The following SNX7 variants were observed in gnomAD, a reference collection of about 807,000 sequenced individuals.
SNX7 encodes sorting nexin-7.
A neutral mutation model predicts 48.4 loss-of-function variants in SNX7; 35 were observed. The observed-to-expected ratio is 0.72, with a 90% CI of 0.55 to 0.96. SNX7 has a LOEUF of 0.96. SNX7 is among the 40% of genes least tolerant of loss of function. The pLI, the probability that SNX7 is intolerant of heterozygous loss-of-function variation, is 0.00. For missense variants in SNX7, 553 were observed against 548.9 expected (o/e 1.01, Z -0.07); for synonymous variants, 190 against 190.2 (o/e 1.00, Z 0.01).
At chr1:98,691,799 G>A (rs763196327) in intron 4 of SNX7, 100 bp downstream of exon 4, 20 of 999,720 alleles carry the variant, frequency 2.0e-5, no homozygotes, top group South Asian at 2.4e-5. Context: ...ATGCAGTGGT[G>A]TACTTGAATT....
chr1:98,718,895 A>G (rs1357841264), intron 7 of SNX7, among the ~76,000 whole-genome samples: 3 of 152,136 alleles, frequency 2.0e-5, no homozygotes, highest in Non-Finnish European at 4.4e-5. Context: ...CAGCTACATG[A>G]TATCCCATTG....
chr1:98,702,888 A>G (rs1651823045), intron 7 of SNX7, among the ~76,000 whole-genome samples: 1 of 152,118 alleles, frequency 6.6e-6, no homozygotes, highest in South Asian at 2.1e-4. Context: ...GTGCACTTAC[A>G]TCAGGTGAGC....
At chr1:98,701,475 T>C (rs1651744167) in intron 6 of SNX7, among the ~76,000 whole-genome samples, 1 of 152,176 alleles carries the variant, frequency 6.6e-6, no homozygotes, top group Non-Finnish European at 1.5e-5. Context: ...CCAGTGCTTC[T>C]ACTATTTTTT....
Position 98,701,823 on chromosome 1 carries a change from A to G in SNX7, c.1045A>G (p.Met349Val), listed in dbSNP as rs1282282909. The G allele has an allele frequency of 1.9e-6, 3 of 1,608,260 alleles. No individual in the cohort carries two copies. The highest frequency in any genetic ancestry group is 2.5e-6 in the Non-Finnish European group (3 of 1,176,958). ...TGTGTGTTTTAATGTAAAGGGTGTT[A>G]TGAAAAGAAGAGACCAAATACAAGC... ...VLYSEMLMGV[M>V]KRRDQIQAEL... Residue 349 changes from methionine to valine, a missense_variant, in exon 7 of 9, where the codon ATG becomes GTG. Coordinates refer to ENST00000306121, the MANE Select transcript of SNX7 (RefSeq NM_015976.5).
intron 8 of SNX7, among the ~76,000 whole-genome samples, chr1:98,742,779 G>T (rs982629238): frequency 6.6e-6 from 1 of 151,874 alleles, no homozygotes; most frequent in Non-Finnish European, 1.5e-5. Flanking sequence ...GCTATTTTAA[G>T]ATTAAATTAT....
intron 1 of SNX7, among the ~76,000 whole-genome samples, chr1:98,674,385 G>A (rs1650045250): frequency 2.0e-5 from 3 of 152,148 alleles, no homozygotes; most frequent in Non-Finnish European, 2.9e-5. Context: ...AGAGGGATCT[G>A]TTCCAGACTT....
At chr1:98,715,495 C>T (rs976564811) in intron 7 of SNX7, among the ~76,000 whole-genome samples, 1 of 152,154 alleles carries the variant, frequency 6.6e-6, no homozygotes, top group Non-Finnish European at 1.5e-5. Flanking sequence ...TTGTGGGGAG[C>T]GTCTTTGAGA....
intron 7 of SNX7, among the ~76,000 whole-genome samples, chr1:98,726,622 T>G (rs1400237977): frequency 2.0e-5 from 3 of 152,020 alleles, no homozygotes; most frequent in Non-Finnish European, 4.4e-5. Flanking sequence ...GTAAGGAATA[T>G]CCATTGAATA....
chr1:98,707,836 C>T (rs1570548916), intron 7 of SNX7, among the ~76,000 whole-genome samples: 1 of 152,092 alleles, frequency 6.6e-6, no homozygotes, highest in Admixed American at 6.5e-5. Context: ...TAGATAGAAA[C>T]AGATACCAGA....
chr1:98,718,113 G>A (rs552415880), intron 7 of SNX7, among the ~76,000 whole-genome samples: 1 of 152,178 alleles, frequency 6.6e-6, no homozygotes, highest in African/African-American at 2.4e-5. Context: ...GCACATAGAA[G>A]TGCAAATGTA....
intron 8 of SNX7, among the ~76,000 whole-genome samples, chr1:98,757,024 T>G (rs1207002207): frequency 1.3e-5 from 2 of 151,972 alleles, no homozygotes; most frequent in African/African-American, 4.8e-5. Context: ...TCTGGTTGTT[T>G]AGAAGTGTGT....
At chr1:98,718,525 T>C (rs1475290851) in intron 7 of SNX7, among the ~76,000 whole-genome samples, 1 of 152,138 alleles carries the variant, frequency 6.6e-6, no homozygotes, top group African/African-American at 2.4e-5. Context: ...TATATAGTCT[T>C]CAGCTCTAAC....
At chr1:98,684,745 C>T in intron 1 of SNX7, 140 bp from the exon 2 acceptor site, 1 of 509,282 alleles carries the variant, frequency 2.0e-6, no homozygotes, top group Non-Finnish European at 3.2e-6. Context: ...GATAAAAATA[C>T]ATGTTCAGTA....
chr1:98,748,700 G>T (rs1654431023), intron 8 of SNX7, among the ~76,000 whole-genome samples: 2 of 148,678 alleles, frequency 1.3e-5, no homozygotes, highest in South Asian at 4.3e-4. Flanking sequence ...TAAGAAAGAT[G>T]GGTCTTCTAA....
intron 7 of SNX7, among the ~76,000 whole-genome samples, chr1:98,719,606 CTT>C (rs1337501607): frequency 1.3e-5 from 2 of 151,744 alleles, no homozygotes; most frequent in Admixed American, 6.6e-5. Context: ...GGAAATTAGT[CTT>C]TATTTTTTAT....
rs142107670 is a variant in SNX7 at position 98,689,183 on chromosome 1, G to A, written c.364-1892G>A. 8.6e-3 allele frequency among the ~76,000 whole-genome samples: 1,306 copies of A among 152,260 alleles called. 10 individuals carry two copies. Among genetic ancestry groups the A allele is most frequent in the Non-Finnish European group, 0.016 (1,072 of 68,024 alleles). ...CTCCCAAAATGCTGGGATTACAGGC[G>A]TGAGCCACTGCGACATCTTACAGTG... is the stretch of plus-strand genomic sequence containing the variant. On this transcript the variant is annotated intron_variant, in intron 2 of 8. Coordinates refer to ENST00000306121, the MANE Select transcript of SNX7 (RefSeq NM_015976.5).
chr1:98,753,866 G>T (rs561654842), intron 8 of SNX7, among the ~76,000 whole-genome samples: 22 of 152,000 alleles, frequency 1.4e-4, no homozygotes, highest in Admixed American at 5.9e-4. Flanking sequence ...TGGCATTTTT[G>T]TATTTCCTTC....
At chr1:98,751,114 T>A (rs2101053719) in intron 8 of SNX7, among the ~76,000 whole-genome samples, 1 of 152,172 alleles carries the variant, frequency 6.6e-6, no homozygotes, top group African/African-American at 2.4e-5. Context: ...ACAGAACATC[T>A]TCATATCCCA....
At chr1:98,702,797 T>A (rs1651818879) in intron 7 of SNX7, among the ~76,000 whole-genome samples, 1 of 152,116 alleles carries the variant, frequency 6.6e-6, no homozygotes, top group Non-Finnish European at 1.5e-5. Context: ...CCTAACGAAC[T>A]TCTACTGAGT....
Sources: gnomAD v4.1 joint callset for allele counts (sites outside exome capture counted in the v4.1 genomes callset) on GRCh38, gnomAD v4.1.1 for gene constraint, MANE v1.5 for transcripts, NCBI Gene and HGNC (gene_info 2026-07-23, HGNC 2026-07-21) for gene names.